PLEKHA7: variants seen among roughly 807,000 people sequenced by gnomAD.
PLEKHA7 encodes the protein pleckstrin homology domain containing A7.
A neutral mutation model predicts 170.0 loss-of-function variants in PLEKHA7; 104 were observed. That is an observed-to-expected ratio of 0.61 (90% confidence interval 0.52 to 0.72). The LOEUF is 0.72. Among genes scored for constraint, PLEKHA7 ranks in the 30% least tolerant of loss-of-function variants. PLEKHA7 has a pLI of 0.00. For missense variants in PLEKHA7, 1,615 were observed against 1,671.7 expected (o/e 0.97, Z 0.59); for synonymous variants, 648 against 660.8 (o/e 0.98, Z 0.30).
At chr11:16,871,787 G>C (rs1854873732) in intron 3 of PLEKHA7, among the ~76,000 whole-genome samples, 1 of 152,146 alleles carries the variant, frequency 6.6e-6, no homozygotes, top group African/African-American at 2.4e-5. Flanking sequence ...TCCACACCAA[G>C]CTGACAGACA....
chr11:16,836,564 A>C (rs1416437603), intron 9 of PLEKHA7, among the ~76,000 whole-genome samples: 1 of 152,240 alleles, frequency 6.6e-6, no homozygotes, highest in Non-Finnish European at 1.5e-5. Context: ...AGCTTTTCCA[A>C]GGCAAAACAC....
chr11:16,992,601 C>T (rs1421953583), intron 3 of PLEKHA7, among the ~76,000 whole-genome samples: 3 of 151,850 alleles, frequency 2.0e-5, no homozygotes, highest in African/African-American at 7.3e-5. Context: ...ACTAAAAATA[C>T]AAAAATTAGC....
chr11:16,779,984 G>T (rs866673540), intron 26 of PLEKHA7, among the ~76,000 whole-genome samples: 94 of 148,668 alleles, frequency 6.3e-4, no homozygotes, highest in Non-Finnish European at 1.1e-3. Flanking sequence ...ACGGGGAGGG[G>T]GGGGGGAATA....
chr11:16,815,024 CAG>C (rs1564948569), intron 12 of PLEKHA7, among the ~76,000 whole-genome samples: 1 of 152,218 alleles, frequency 6.6e-6, no homozygotes, highest in African/African-American at 2.4e-5. Flanking sequence ...TCCACCACCA[CAG>C]AGTGTCTGGC....
intron 3 of PLEKHA7, among the ~76,000 whole-genome samples, chr11:16,930,517 C>T (rs1859853393): frequency 6.6e-6 from 1 of 152,140 alleles, no homozygotes; most frequent in Admixed American, 6.6e-5. Context: ...ATAAGGGATG[C>T]TTGTATTATT....
chr11:16,974,445 T>C (rs1040145854), intron 3 of PLEKHA7, among the ~76,000 whole-genome samples: 2 of 152,154 alleles, frequency 1.3e-5, no homozygotes, highest in South Asian at 2.1e-4. Flanking sequence ...CTTCACAAAT[T>C]TGCGTGTCAT....
At chr11:16,805,233 A>G (rs1848875262) in intron 13 of PLEKHA7, among the ~76,000 whole-genome samples, 1 of 152,210 alleles carries the variant, frequency 6.6e-6, no homozygotes, top group African/African-American at 2.4e-5. Flanking sequence ...TGATACTTAA[A>G]TAACAAGCCA....
At chr11:16,955,685 A>G (rs1374520466) in intron 3 of PLEKHA7, among the ~76,000 whole-genome samples, 2 of 152,238 alleles carry the variant, frequency 1.3e-5, no homozygotes, top group Non-Finnish European at 1.5e-5. Context: ...GCCAAACATG[A>G]GCCAGCAGTC....
rs781552144 is a variant in PLEKHA7 at position 16,803,264 on chromosome 11, C to G, written c.2039G>C (p.Ser680Thr). 5.6e-6 allele frequency: 9 copies of G among 1,613,930 alleles called. No individual in the cohort carries two copies. The highest frequency in any genetic ancestry group is 7.6e-6 in the Non-Finnish European group (9 of 1,179,910). Residue 680 changes from serine (S) to threonine (T), a missense_variant, in exon 14 of 27, where the codon AGT (serine) becomes ACT (threonine). Ser to Thr is a moderately conservative substitution (Grantham distance 58). Coordinates refer to ENST00000531066, the MANE Select transcript of PLEKHA7 (RefSeq NM_001329630.2). ...CTCAGCGATCTTCACAGGCTTCAGA[C>G]TTCGATCCTTGAGAAGGTCCCGGCC... ...MTGRDLLKDR[S>T]LKPVKIAESD...
chr11:16,850,640 A>G (rs908467313), intron 8 of PLEKHA7, among the ~76,000 whole-genome samples: 1 of 152,248 alleles, frequency 6.6e-6, no homozygotes, highest in South Asian at 2.1e-4. Flanking sequence ...CCCAAATGGT[A>G]CAGACACAGA....
intron 13 of PLEKHA7, among the ~76,000 whole-genome samples, chr11:16,804,412 T>C (rs78936901): frequency 0.038 from 5,764 of 152,218 alleles, 122 homozygotes; most frequent in Middle Eastern, 0.1. Flanking sequence ...TCAGTGTGGA[T>C]TGGGGGTGGA....
At chr11:16,792,530 A>AT (rs1471844588) in intron 19 of PLEKHA7, among the ~76,000 whole-genome samples, 1 of 143,184 alleles carries the variant, frequency 7.0e-6, no homozygotes, top group Non-Finnish European at 1.5e-5. Flanking sequence ...AGGTACTAAA[A>AT]TTAAAAAAAA....
In PLEKHA7 at chr11:16,789,943, C is replaced by G; in HGVS notation, c.3053-65G>C. 1.5e-6 allele frequency: 2 copies of G among 1,373,644 alleles called. No individual in the cohort carries two copies. The highest frequency in any genetic ancestry group is 2.1e-6 in the Non-Finnish European group (2 of 965,840). The allele number at this position is 1,373,644 out of a possible 1,614,324, so 85.1% of individuals were successfully genotyped here. On this transcript the variant is annotated intron_variant, in intron 21 of 26. Coordinates refer to ENST00000531066, the MANE Select transcript of PLEKHA7 (RefSeq NM_001329630.2). The surrounding 1 kb of genome is among the most constrained non-coding windows in gnomAD (Gnocchi z 4.6). ...GGTGGATGGGTCCCTGCTTCTCCCT[C>G]ATCACACATTCTTGCAGGAGTACCA...
intron 3 of PLEKHA7, among the ~76,000 whole-genome samples, chr11:16,925,977 T>C (rs1159288357): frequency 6.6e-6 from 1 of 152,250 alleles, no homozygotes; most frequent in Non-Finnish European, 1.5e-5. Context: ...TTCTGGCGTC[T>C]AGCCAGACAC....
chr11:16,802,608 C>T (rs1288560117), intron 15 of PLEKHA7, among the ~76,000 whole-genome samples: 1 of 151,880 alleles, frequency 6.6e-6, no homozygotes, highest in East Asian at 1.9e-4. Context: ...AATACAGTGG[C>T]GTGATCTCGG....
Position 17,014,192 on chromosome 11 carries a change from G to GAGCTGGTCACTGCGGGCAGAGA in PLEKHA7, c.87-13_95dup (p.Arg33LeufsTer5), listed in dbSNP as rs773763482. 1.9e-6 allele frequency: 3 copies of GAGCTGGTCACTGCGGGCAGAGA among 1,591,550 alleles called. No homozygotes were observed. The highest frequency in any genetic ancestry group is 2.6e-6 in the Non-Finnish European group (3 of 1,171,280). On this transcript the variant is annotated stop_gained and frameshift_variant, in exon 2 of 27. Coordinates refer to ENST00000531066, the MANE Select transcript of PLEKHA7 (RefSeq NM_001329630.2). LOFTEE classifies it high-confidence loss of function. The stretch of plus-strand genomic sequence containing the variant: ...GCGGATGCAGCCAGGTCGTGCAGCG[G>GAGCTGGTCACTGCGGGCAGAGA]AGCTGGTCACTGCGGGCAGAGAGGT...
At chr11:17,007,574 CT>C (rs57078018) in intron 3 of PLEKHA7, among the ~76,000 whole-genome samples, 61,729 of 115,642 alleles carry the variant, frequency 0.53, 13,663 homozygotes, top group East Asian at 0.84. Flanking sequence ...TCTAAAGATG[CT>C]TTTTTTTTTT....
chr11:16,843,406 T>A (rs1852124582), intron 8 of PLEKHA7, among the ~76,000 whole-genome samples: 1 of 152,236 alleles, frequency 6.6e-6, no homozygotes, highest in South Asian at 2.1e-4. Context: ...TTACTTCTCC[T>A]CCCTGCCCTC....
intron 4 of PLEKHA7, among the ~76,000 whole-genome samples, chr11:16,866,041 G>A (rs957110715): frequency 4.0e-5 from 6 of 151,712 alleles, no homozygotes; most frequent in African/African-American, 1.5e-4. Context: ...GTTTCATTGT[G>A]TTAGGCAGGG....
Sources: allele counts gnomAD v4.1 joint callset (sites outside exome capture counted in the v4.1 genomes callset), GRCh38; gene constraint gnomAD v4.1.1; non-coding constraint Gnocchi (gnomAD v3.1); transcripts MANE v1.5; gene names NCBI Gene and HGNC (gene_info 2026-07-23, HGNC 2026-07-21).